The following MRPL35 variants were observed in gnomAD, a reference collection of about 807,000 sequenced individuals.
The protein encoded by MRPL35 is mitochondrial ribosomal protein L35.
In MRPL35, 18 loss-of-function variants were observed where a neutral mutation model predicts 21.6. That is an observed-to-expected ratio of 0.83 (90% CI 0.58 to 1.24). The LOEUF (loss-of-function observed/expected upper bound fraction) is 1.24, where lower values mean the gene tolerates loss of function less well. Ranked by LOEUF, MRPL35 falls within the 50% of genes most tolerant of loss-of-function variation. MRPL35 has a pLI of 0.00. For missense variants in MRPL35, 223 were observed against 223.2 expected (o/e 1.00, Z 0.01); for synonymous variants, 87 against 86.9 (o/e 1.00, Z -0.01).
rs1173701745 is a variant in MRPL35, at chr2:86,211,573, TAGG to T, written c.*908_*910del. Reference sequence around the variant, plus strand: ...CATTTACTGTAACAACATTTTTTCATAGGAGAGTAAATAGCCCTTCAGCATGCT... The same window carrying T: ...CATTTACTGTAACAACATTTTTTCATAGAGTAAATAGCCCTTCAGCATGCT... On this transcript the variant is annotated 3_prime_UTR_variant, in exon 4 of 4. Transcript: ENST00000337109. 3.1e-5 allele frequency: 31 copies of T among 985,328 alleles called. No homozygotes were observed. The highest frequency in any genetic ancestry group is 5.2e-4 in the Middle Eastern group (1 of 1,936). 61.0% of individuals were successfully genotyped at this position (985,328 alleles called of 1,614,324 possible).
Position 86,212,710 on chromosome 2 carries a change from T to C in MRPL35, c.*2042T>C, listed in dbSNP as rs1210820212. The C allele has an allele frequency of 8.3e-7, 1 of 1,210,546 alleles. No homozygotes were observed. Among genetic ancestry groups the C allele is most frequent in the Non-Finnish European group, 1.0e-6 (1 of 973,780 alleles). The allele number at this position is 1,210,546 out of a possible 1,614,324, so 75.0% of individuals were successfully genotyped here. A position where few individuals can be genotyped will look rare whatever the true frequency, so the allele number is the denominator to read the frequency against. ...CATCCAAAGATGGACTGAAGTGGGA[T>C]GGCTGACAGGCACATAACTTACGGG... On this transcript the variant is annotated 3_prime_UTR_variant, in exon 4 of 4. Coordinates refer to ENST00000337109, the MANE Select transcript of MRPL35 (RefSeq NM_016622.4).
chr2:86,207,709 C>T (rs1483725954), intron 3 of MRPL35, among the ~76,000 whole-genome samples: 1 of 152,134 alleles, frequency 6.6e-6, no homozygotes, highest in African/African-American at 2.4e-5. Flanking sequence ...CACTGTAGCT[C>T]ATGCCTGTAA....
chr2:86,199,517 A>C lies in MRPL35; in HGVS notation c.27A>C (p.Ala9=). MAASAFAG[A]VRAASGILRP... is the part of the protein sequence containing the mutation. ...TGGCTGCCTCTGCCTTTGCTGGTGCAGTGAGAGCAGCTTCAGGTCAGTGGA... is the reference window on the plus strand; with the variant it reads ...TGGCTGCCTCTGCCTTTGCTGGTGCCGTGAGAGCAGCTTCAGGTCAGTGGA... The change falls in exon 1 of 4, where the codon GCA becomes GCC. Residue 9 remains alanine (A), a synonymous_variant. Transcript: ENST00000337109. 6.2e-7 allele frequency: 1 copy of C among 1,614,192 alleles called. No homozygotes were observed. Among genetic ancestry groups the C allele is most frequent in the Admixed American group, 1.7e-5 (1 of 60,026 alleles).
rs564945322 is a variant in MRPL35, at chr2:86,203,488, C to T, written c.44-2618C>T. On this transcript the variant is annotated intron_variant, in intron 1 of 3. Coordinates refer to ENST00000337109, the MANE Select transcript of MRPL35 (RefSeq NM_016622.4). The stretch of plus-strand genomic sequence containing the variant: ...AATATTGTATAAAATTAACTTTAAG[C>T]TATATGTGTAAGATTTATATGAAAC... 4.6e-5 allele frequency among the ~76,000 whole-genome samples: 7 copies of T among 152,242 alleles called. No individual in the cohort carries two copies. In the East Asian group the frequency reaches 1.4e-3, roughly 29 times the overall value.
Position 86,210,501 on chromosome 2 carries a change from T to C in MRPL35, c.400T>C (p.Trp134Arg), listed in dbSNP as rs371788547. ...ACAGGCTGGCTATAAGAAAAAATTA[T>C]GGAAAAAGACACCTGCAAGGAAGAA... is the stretch of plus-strand genomic sequence containing the variant. ...RRKAGYKKKL[W>R]KKTPARKKRL... is the part of the protein sequence containing the mutation. The change falls in exon 4 of 4, where the codon TGG becomes CGG. Residue 134 changes from tryptophan to arginine, a missense_variant. Coordinates refer to ENST00000337109, the MANE Select transcript of MRPL35 (RefSeq NM_016622.4). 3 of 1,606,434 alleles carry C rather than the reference T, an allele frequency of 1.9e-6. No individual in the cohort carries two copies. The highest frequency in any genetic ancestry group is 2.5e-6 in the Non-Finnish European group (3 of 1,177,408).
chr2:86,199,476 T>C lies in MRPL35; in HGVS notation c.-15T>C. The C allele has an allele frequency of 6.2e-7, 1 of 1,614,108 alleles. No homozygotes were observed. The highest frequency in any genetic ancestry group is 8.5e-7 in the Non-Finnish European group (1 of 1,180,004). ...GCTTTTAAACCCAAAGCGGCCGCCGTAGGCGAAGGTGAAGATGGCTGCCTC... is the reference window on the plus strand; with the variant it reads ...GCTTTTAAACCCAAAGCGGCCGCCGCAGGCGAAGGTGAAGATGGCTGCCTC... On this transcript the variant is annotated 5_prime_UTR_variant, in exon 1 of 4. Transcript: ENST00000337109.
chr2:86,203,789 C>T (rs1007097516), intron 1 of MRPL35, among the ~76,000 whole-genome samples: 3 of 152,114 alleles, frequency 2.0e-5, no homozygotes, highest in Non-Finnish European at 4.4e-5. Flanking sequence ...AACTGGGGCA[C>T]AGAGAGGTTA....
rs191868176 is a variant in MRPL35 at position 86,207,135 on chromosome 2, C to A, written c.234-48C>A. On this transcript the variant is annotated intron_variant, in intron 2 of 3. Transcript: ENST00000337109. ...TCAGTATAGATAATGAATTTTAATCCTTTAATCAGTCTGATTACAAGCTAA... is the reference window on the plus strand; with the variant it reads ...TCAGTATAGATAATGAATTTTAATCATTTAATCAGTCTGATTACAAGCTAA... 2.0e-6 allele frequency: 3 copies of A among 1,513,086 alleles called. No homozygotes were observed. The East Asian group carries it at 7.4e-5, about 37-fold the overall frequency. The allele number at this position is 1,513,086 out of a possible 1,614,324, so 93.7% of individuals were successfully genotyped here. A position where few individuals can be genotyped will look rare whatever the true frequency, so the allele number is the denominator to read the frequency against.
rs1046967400 is a variant in MRPL35, at chr2:86,211,348, CTACCTTTTTA to C, written c.*684_*693del. 2.0e-5 allele frequency: 19 copies of C among 963,638 alleles called. No homozygotes were observed. Among genetic ancestry groups the C allele is most frequent in the Non-Finnish European group, 2.2e-5 (18 of 810,338 alleles). The allele number at this position is 963,638 out of a possible 1,614,324, so 59.7% of individuals were successfully genotyped here. A position where few individuals can be genotyped will look rare whatever the true frequency, so the allele number is the denominator to read the frequency against. On this transcript the variant is annotated 3_prime_UTR_variant, in exon 4 of 4. Coordinates refer to ENST00000337109, the MANE Select transcript of MRPL35 (RefSeq NM_016622.4). ...GCCAAGGGAATTTAACTGGGCCAGA[CTACCTTTTTA>C]TACTAGGTCTGGTTGGGTCATTGTC...
At chr2:86,203,105 A>T (rs1341978512) in intron 1 of MRPL35, among the ~76,000 whole-genome samples, 2 of 131,542 alleles carry the variant, frequency 1.5e-5, no homozygotes, top group Non-Finnish European at 3.2e-5. Flanking sequence ...TTTGAGACGG[A>T]GTCCCGCTCT....
At chr2:86,205,001 G>A (rs564602600) in intron 1 of MRPL35, among the ~76,000 whole-genome samples, 13 of 152,302 alleles carry the variant, frequency 8.5e-5, no homozygotes, top group South Asian at 8.3e-4. Context: ...CACTTTGGGA[G>A]GCTGAGGCAG....
At position 86,212,457 on chromosome 2, in the gene MRPL35, C is replaced by T. The variant is rs774888476; in HGVS notation, c.*1789C>T. The T allele has an allele frequency of 6.2e-7, 1 of 1,613,728 alleles. No homozygotes were observed. ...AAGCCAACCACTTAGAAGCCTTCCA[C>T]ATCTTTGTCACCTGCCTGGCTCCTG... On this transcript the variant is annotated 3_prime_UTR_variant, in exon 4 of 4. Coordinates refer to ENST00000337109, the MANE Select transcript of MRPL35 (RefSeq NM_016622.4).
chr2:86,208,208 A>G (rs1005987423), intron 3 of MRPL35, among the ~76,000 whole-genome samples: 2 of 152,154 alleles, frequency 1.3e-5, no homozygotes, highest in Non-Finnish European at 2.9e-5. Context: ...GCAGAAGCTC[A>G]TATAATCCAT....
At position 86,206,310 on chromosome 2, in the gene MRPL35, T is replaced by G; in HGVS notation, c.233+15T>G. The G allele has an allele frequency of 1.3e-6, 2 of 1,572,178 alleles. No homozygotes were observed. Among genetic ancestry groups the G allele is most frequent in the South Asian group, 2.4e-5 (2 of 84,578 alleles). On this transcript the variant is annotated intron_variant, in intron 2 of 3. Transcript: ENST00000337109. ...ATCCTTAATAGGTAGAGTATATTTC[T>G]TTGTGGGGTTTTTTTTGTTTTTTGT... is the stretch of plus-strand genomic sequence containing the variant.
At position 86,206,103 on chromosome 2, in the gene MRPL35, C is replaced by T. The variant is rs1260012968; in HGVS notation, c.44-3C>T. 9 of 1,602,514 alleles carry T rather than the reference C, an allele frequency of 5.6e-6. No homozygotes were observed. The highest frequency in any genetic ancestry group is 7.7e-6 in the Non-Finnish European group (9 of 1,171,014). Reference sequence around the variant, plus strand: ...TTAAATATATATGCTCCTATCTTTACAGGAATCCTACGGCCCCTGAATATT... The same window carrying T: ...TTAAATATATATGCTCCTATCTTTATAGGAATCCTACGGCCCCTGAATATT... On this transcript the variant is annotated splice_polypyrimidine_tract_variant and splice_region_variant and intron_variant, in intron 1 of 3. Coordinates refer to ENST00000337109, the MANE Select transcript of MRPL35 (RefSeq NM_016622.4).
intron 1 of MRPL35, among the ~76,000 whole-genome samples, chr2:86,200,952 C>A (rs1278162716): frequency 1.3e-5 from 2 of 152,162 alleles, no homozygotes; most frequent in Non-Finnish European, 2.9e-5. Context: ...GGGTGTGAGC[C>A]ACCCTGCCCG....
chr2:86,213,750 C>T lies in MRPL35; in HGVS notation c.*3082C>T, dbSNP rs116080175. ...ATTTTCACAGCTACCTAGTTTCTGC[C>T]GATGATTTTTTTAAATGTGAAATAA... On this transcript the variant is annotated 3_prime_UTR_variant, in exon 4 of 4. Transcript: ENST00000337109. The T allele has an allele frequency of 0.028, 40,441 of 1,421,176 alleles. 726 individuals are homozygous for T. The highest frequency in any genetic ancestry group is 0.034 in the Non-Finnish European group (35,379 of 1,039,236). The allele number at this position is 1,421,176 out of a possible 1,614,324, so 88.0% of individuals were successfully genotyped here.
At chr2:86,207,135 CT>C in intron 2 of MRPL35, 47 bp from the exon 3 acceptor site, 1 of 1,513,086 alleles carries the variant, frequency 6.6e-7, no homozygotes, top group African/African-American at 1.4e-5. Flanking sequence ...AATTTTAATC[CT>C]TTAATCAGTC....
Position 86,213,789 on chromosome 2 carries a change from C to G in MRPL35, c.*3121C>G. On this transcript the variant is annotated 3_prime_UTR_variant, in exon 4 of 4. Transcript: ENST00000337109. ...AATGTGAAATAAACAGTGATACTTT[C>G]AGGTTTGTAGTTGTGTGATGAACTG... 3 of 1,139,068 alleles carry G rather than the reference C, an allele frequency of 2.6e-6. No homozygotes were observed. The highest frequency in any genetic ancestry group is 3.7e-6 in the Non-Finnish European group (3 of 800,630). 70.6% of individuals were successfully genotyped at this position (1,139,068 alleles called of 1,614,324 possible).
Sources: gnomAD v4.1 joint callset for allele counts (sites outside exome capture counted in the v4.1 genomes callset) on GRCh38, gnomAD v4.1.1 for gene constraint, MANE v1.5 for transcripts, NCBI Gene and HGNC (gene_info 2026-07-23, HGNC 2026-07-21) for gene names.